The following KIF26B variants were observed in gnomAD, a reference collection of about 807,000 sequenced individuals.
KIF26B encodes the protein kinesin-like protein KIF26B.
KIF26B carries 63 observed loss-of-function variants against 151.2 expected under a neutral mutation model. The observed-to-expected ratio is 0.42, with a 90% CI of 0.34 to 0.51. The LOEUF (loss-of-function observed/expected upper bound fraction) is 0.51. Among genes scored for constraint, KIF26B ranks in the 20% least tolerant of loss-of-function variants. The pLI is 0.07. For synonymous variants in KIF26B, 1,357 were observed against 1,262.1 expected, an observed-to-expected ratio of 1.08 and a Z score of -1.59; for missense variants, 2,813 against 2,913.6, an observed-to-expected ratio of 0.97 and a Z score of 0.79.
At chr1:245,270,537 C>A (rs1283089503) in intron 2 of KIF26B, among the ~76,000 whole-genome samples, 1 of 152,014 alleles carries the variant, frequency 6.6e-6, no homozygotes, top group African/African-American at 2.4e-5. Context: ...AGCATCTTTT[C>A]ATATACCTGC....
intron 2 of KIF26B, among the ~76,000 whole-genome samples, chr1:245,172,481 A>G (rs1668730733): frequency 1.3e-5 from 2 of 152,148 alleles, no homozygotes; most frequent in Non-Finnish European, 2.9e-5. Context: ...CAGGAACCCA[A>G]AGAAATGCAG....
intron 10 of KIF26B, among the ~76,000 whole-genome samples, chr1:245,652,636 A>G (rs111257224): frequency 0.013 from 2,023 of 152,298 alleles, 54 homozygotes; most frequent in African/African-American, 0.045. Context: ...TCACTCAGGG[A>G]GAAATGACAC....
rs140980298 is a variant in KIF26B at position 245,610,361 on chromosome 1, T to C, written c.1914+833T>C. 1.3e-3 allele frequency among the ~76,000 whole-genome samples: 196 copies of C among 152,332 alleles called. 4 individuals are homozygous for C. Among genetic ancestry groups the C allele is most frequent in the African/African-American group, 4.5e-3 (189 of 41,564 alleles). On this transcript the variant is annotated intron_variant, in intron 8 of 14. Coordinates refer to ENST00000407071, the MANE Select transcript of KIF26B (RefSeq NM_018012.4). Reference sequence around the variant, plus strand: ...CCATTTCCCTGAGTCCTCTTTCGTCTGCATCTGTCACCTCGAGGACTTGTT... The same window carrying C: ...CCATTTCCCTGAGTCCTCTTTCGTCCGCATCTGTCACCTCGAGGACTTGTT...
At chr1:245,230,334 A>G (rs1022804354) in intron 2 of KIF26B, among the ~76,000 whole-genome samples, 1 of 152,204 alleles carries the variant, frequency 6.6e-6, no homozygotes, top group African/African-American at 2.4e-5. Flanking sequence ...TGCTCTTGAA[A>G]TAAGAAACTT....
chr1:245,421,950 T>G (rs1658499529), intron 4 of KIF26B, among the ~76,000 whole-genome samples: 1 of 151,934 alleles, frequency 6.6e-6, no homozygotes, highest in African/African-American at 2.4e-5. Flanking sequence ...AGCGAAAGCC[T>G]AGGGTGGAAG....
At position 245,703,097 on chromosome 1, in the gene KIF26B, A is replaced by C. The variant is rs1309938926; in HGVS notation, c.*491A>C. 1 of 153,450 alleles carries C rather than the reference A, an allele frequency of 6.5e-6. No individual in the cohort carries two copies. The highest frequency in any genetic ancestry group is 1.4e-5 in the Non-Finnish European group (1 of 69,402). 9.5% of individuals were successfully genotyped at this position (153,450 alleles called of 1,614,324 possible). On this transcript the variant is annotated 3_prime_UTR_variant, in exon 15 of 15. Transcript: ENST00000407071. ...GGTGCTAGTCAAGATGAAAACAACA[A>C]AACAAACAAGAAAAACATTTTGGAA...
intron 12 of KIF26B, among the ~76,000 whole-genome samples, chr1:245,689,794 G>A (rs2044599390): frequency 6.6e-6 from 1 of 152,120 alleles, no homozygotes; most frequent in Non-Finnish European, 1.5e-5. Context: ...CTGACCTCAA[G>A]TGATCCGCCC....
chr1:245,407,506 T>C (rs10924192), intron 3 of KIF26B, among the ~76,000 whole-genome samples: 43,012 of 151,856 alleles, frequency 0.28, 10,914 homozygotes, highest in African/African-American at 0.68. Context: ...TTGTTCCTTG[T>C]TTGCCCTTTC....
chr1:245,555,577 G>C (rs1363379844), intron 5 of KIF26B, among the ~76,000 whole-genome samples: 1 of 152,098 alleles, frequency 6.6e-6, no homozygotes, highest in Non-Finnish European at 1.5e-5. Context: ...CTGGGGTTGG[G>C]GTGCTCAGGA....
At chr1:245,400,049 G>A (rs1211322549) in intron 3 of KIF26B, among the ~76,000 whole-genome samples, 2 of 152,162 alleles carry the variant, frequency 1.3e-5, no homozygotes, top group African/African-American at 4.8e-5. Flanking sequence ...AATGGTGAAA[G>A]ACTGAGAGAA....
At chr1:245,164,546 A>C (rs994700967) in intron 2 of KIF26B, among the ~76,000 whole-genome samples, 3 of 152,260 alleles carry the variant, frequency 2.0e-5, no homozygotes, top group African/African-American at 7.2e-5. Context: ...TTCCAGCCAC[A>C]GGAAACGGCA....
Position 245,704,335 on chromosome 1 carries a change from C to T in KIF26B, c.*1729C>T, listed in dbSNP as rs2044813335. 1.3e-5 allele frequency: 2 copies of T among 152,274 alleles called. No homozygotes were observed. Among genetic ancestry groups the T allele is most frequent in the South Asian group, 4.1e-4 (2 of 4,836 alleles). 9.4% of individuals were successfully genotyped at this position (152,274 alleles called of 1,614,324 possible). A position where few individuals can be genotyped will look rare whatever the true frequency, so the allele number is the denominator to read the frequency against. On this transcript the variant is annotated 3_prime_UTR_variant, in exon 15 of 15. Transcript: ENST00000407071. ...ACACTACGTTTCTTGGTCAGTGTAC[C>T]TCTGGACACTGCAGCCCACACAGCT...
At chr1:245,305,863 G>T (rs967976528) in intron 2 of KIF26B, among the ~76,000 whole-genome samples, 1 of 139,220 alleles carries the variant, frequency 7.2e-6, no homozygotes, top group Non-Finnish European at 1.6e-5. Context: ...GCTTGAACCC[G>T]GTAGGCAGAG....
At chr1:245,397,464 C>T (rs1673877295) in intron 3 of KIF26B, among the ~76,000 whole-genome samples, 1 of 152,176 alleles carries the variant, frequency 6.6e-6, no homozygotes, top group Admixed American at 6.5e-5. Flanking sequence ...GATCCACCCT[C>T]CTCCGCCTCC....
chr1:245,311,593 C>A (rs1671666786), intron 2 of KIF26B, among the ~76,000 whole-genome samples: 1 of 151,716 alleles, frequency 6.6e-6, no homozygotes, highest in Admixed American at 6.6e-5. Flanking sequence ...CAGAGTGAGA[C>A]CCTGTCTCTA....
intron 12 of KIF26B, among the ~76,000 whole-genome samples, chr1:245,690,134 T>G (rs1470600372): frequency 6.6e-6 from 1 of 152,108 alleles, no homozygotes; most frequent in Non-Finnish European, 1.5e-5. Flanking sequence ...TCATCTCTGC[T>G]CATAAGTGGC....
chr1:245,702,422 G>C lies in KIF26B; in HGVS notation c.6179-36G>C. On this transcript the variant is annotated intron_variant, in intron 14 of 14. Transcript: ENST00000407071. This position sits in a 1 kb window ranked among gnomAD's most constrained non-coding sequence, Gnocchi z 4.1. ...TCGGGAGTTGCTTCTCACCCTGTTT[G>C]CTCTGCGTCTCCATCAGGCTCTTCC... 1 of 1,612,086 alleles carries C rather than the reference G, an allele frequency of 6.2e-7. No homozygotes were observed. The highest frequency in any genetic ancestry group is 1.1e-5 in the South Asian group (1 of 90,904).
At chr1:245,392,538 T>G (rs935247954) in intron 3 of KIF26B, among the ~76,000 whole-genome samples, 29 of 152,340 alleles carry the variant, frequency 1.9e-4, no homozygotes, top group Admixed American at 1.7e-3. Flanking sequence ...CTCAGAATTG[T>G]GAAGGCATTT....
At chr1:245,230,624 T>G (rs1169464371) in intron 2 of KIF26B, among the ~76,000 whole-genome samples, 1 of 151,664 alleles carries the variant, frequency 6.6e-6, no homozygotes, top group Non-Finnish European at 1.5e-5. Context: ...GTGCCTGTAA[T>G]CCCAGCTACT....
Sources: allele counts gnomAD v4.1 joint callset (sites outside exome capture counted in the v4.1 genomes callset), GRCh38; gene constraint gnomAD v4.1.1; non-coding constraint Gnocchi (gnomAD v3.1); transcripts MANE v1.5; gene names NCBI Gene and HGNC (gene_info 2026-07-23, HGNC 2026-07-21).